The following TANGO6 variants were observed in gnomAD, a reference collection of about 807,000 sequenced individuals.
TANGO6 encodes the protein transport and Golgi organization protein 6 homolog.
A neutral mutation model predicts 114.2 loss-of-function variants in TANGO6; 90 were observed. The ratio of observed to expected loss-of-function variants is 0.79; its 90% confidence interval spans 0.66 to 0.94. The LOEUF is 0.94. Ranked by LOEUF, TANGO6 falls within the 40% of genes least tolerant of loss-of-function variation. TANGO6 has a pLI of 0.00. For synonymous variants in TANGO6, 477 were observed against 509.8 expected (o/e 0.94, Z 0.87); for missense variants, 1,274 against 1,315.3 (o/e 0.97, Z 0.49).
intron 7 of TANGO6, among the ~76,000 whole-genome samples, chr16:68,881,050 A>G (rs1324318588): frequency 6.6e-6 from 1 of 152,182 alleles, no homozygotes; most frequent in East Asian, 1.9e-4. Flanking sequence ...CTGCCTCCCT[A>G]AGAGCTGGGA....
chr16:69,065,873 G>A (rs953955672), intron 17 of TANGO6, among the ~76,000 whole-genome samples: 1 of 152,172 alleles, frequency 6.6e-6, no homozygotes, highest in Admixed American at 6.5e-5. Context: ...TATCAGGAAA[G>A]CATTATTCTT....
At chr16:68,976,351 C>T (rs118067949) in intron 15 of TANGO6, among the ~76,000 whole-genome samples, 7,583 of 152,088 alleles carry the variant, frequency 0.05, 226 homozygotes, top group Non-Finnish European at 0.07. Context: ...TTTTTGCCTA[C>T]GCAAAAAAGA....
At chr16:69,040,285 T>C in intron 16 of TANGO6, 23 bp from the exon 17 acceptor site, 1 of 1,571,340 alleles carries the variant, frequency 6.4e-7, no homozygotes, top group South Asian at 1.2e-5. Flanking sequence ...TCTTATCAAC[T>C]TCATCTTCCT....
Position 68,907,489 on chromosome 16 carries a change from C to CA in TANGO6, c.1715dup (p.Arg574ProfsTer37). The stretch of plus-strand genomic sequence containing the variant: ...CCTGTACCAGAAGGTATCCTCTGAG[C>CA]AGGGCCGGGTGGAGCATCTCGGGGA... On this transcript the variant is annotated frameshift_variant, in exon 10 of 18. Transcript: ENST00000261778. LOFTEE classifies it high-confidence loss of function. The CA allele has an allele frequency of 9.3e-6, 15 of 1,613,488 alleles. No individual in the cohort carries two copies. The highest frequency in any genetic ancestry group is 1.1e-5 in the Non-Finnish European group (13 of 1,179,766).
At chr16:68,934,249 T>C (rs985165147) in intron 14 of TANGO6, among the ~76,000 whole-genome samples, 1 of 152,104 alleles carries the variant, frequency 6.6e-6, no homozygotes, top group Non-Finnish European at 1.5e-5. Context: ...GGGGTCTCAC[T>C]ATGTTGCCCA....
At chr16:69,038,814 G>T (rs546399946) in intron 16 of TANGO6, among the ~76,000 whole-genome samples, 1 of 151,902 alleles carries the variant, frequency 6.6e-6, no homozygotes, top group African/African-American at 2.4e-5. Context: ...AGGTGGACGC[G>T]GGCAGATCAC....
chr16:68,947,870 G>A lies in TANGO6; in HGVS notation c.2701+17575G>A, dbSNP rs918462484. On this transcript the variant is annotated intron_variant, in intron 14 of 17. Coordinates refer to ENST00000261778, the MANE Select transcript of TANGO6 (RefSeq NM_024562.2). The stretch of plus-strand genomic sequence containing the variant: ...GCCTCCCAAAGTGCTGGGATTACAG[G>A]TGTGAGCCATCACGCCCAGACTACA... Among the ~76,000 whole-genome samples the A allele has an allele frequency of 9.2e-5, 14 of 152,210 alleles. No homozygotes were observed. The East Asian group carries it at 1.9e-3, about 21-fold the overall frequency.
In TANGO6 at chr16:68,927,900, CA is replaced by C. The variant is rs770437845; in HGVS notation, c.2462del (p.Asn821MetfsTer14). 7 of 1,613,804 alleles carry C rather than the reference CA, an allele frequency of 4.3e-6. No homozygotes were observed. Among genetic ancestry groups the C allele is most frequent in the Non-Finnish European group, 5.1e-6 (6 of 1,179,864 alleles). ...ATGCTCCAATCATTCCTCAAGGAGT[CA>C]ATGAGCCCAGCACTACTACAAGTCA... ...SNAPIIPQGV[N>X]EPSTTTSQKS... On this transcript the variant is annotated frameshift_variant, in exon 13 of 18. Coordinates refer to ENST00000261778, the MANE Select transcript of TANGO6 (RefSeq NM_024562.2). LOFTEE classifies it high-confidence loss of function.
chr16:69,071,745 TTTC>T (rs1197487636), intron 17 of TANGO6, among the ~76,000 whole-genome samples: 2 of 152,250 alleles, frequency 1.3e-5, no homozygotes, highest in Non-Finnish European at 1.5e-5. Flanking sequence ...TTGCCATTTA[TTTC>T]TTCTTTTGAT....
chr16:69,065,510 T>C (rs56859259), intron 17 of TANGO6, among the ~76,000 whole-genome samples: 13,394 of 152,234 alleles, frequency 0.088, 661 homozygotes, highest in South Asian at 0.18. Flanking sequence ...CCGCCTCATC[T>C]CCTTTCCACC....
intron 17 of TANGO6, among the ~76,000 whole-genome samples, chr16:69,047,761 A>C (rs574616389): frequency 1.3e-5 from 2 of 152,308 alleles, no homozygotes; most frequent in South Asian, 4.1e-4. Flanking sequence ...GAAGGACTAT[A>C]AAATATTTGA....
chr16:68,860,092 G>T lies in TANGO6; in HGVS notation c.303G>T (p.Leu101Phe). 6.2e-7 allele frequency: 1 copy of T among 1,613,956 alleles called. No homozygotes were observed. Among genetic ancestry groups the T allele is most frequent in the Middle Eastern group, 1.6e-4 (1 of 6,062 alleles). Residue 101 changes from leucine (L) to phenylalanine (F), a missense_variant, in exon 2 of 18, where the codon TTG (leucine) becomes TTT (phenylalanine). Leu to Phe is a conservative substitution (Grantham distance 22, BLOSUM62 0). Around this residue, in one of 5 missense-constraint regions of TANGO6, gnomAD observed 4 missense variants for 17.8 expected, o/e 0.23. Coordinates refer to ENST00000261778, the MANE Select transcript of TANGO6 (RefSeq NM_024562.2). ...GTTTTACCTCTCAAACCTTGTTGTTGCTTTTGTGCTTGAAGGAAACCATGA... is the reference window on the plus strand; with the variant it reads ...GTTTTACCTCTCAAACCTTGTTGTTTCTTTTGTGCTTGAAGGAAACCATGA... ...TWSFTSQTLL[L>F]LLCLKETMIR...
chr16:69,067,962 T>G (rs373795763), intron 17 of TANGO6, among the ~76,000 whole-genome samples: 63 of 94,100 alleles, frequency 6.7e-4, no homozygotes, highest in Middle Eastern at 7.2e-3. Flanking sequence ...AAAAAGAAAA[T>G]AAACCCCATC....
intron 4 of TANGO6, chr16:68,867,481 T>C (rs1962196300): frequency 2.7e-6 from 1 of 364,354 alleles, no homozygotes; most frequent in South Asian, 4.2e-5. Flanking sequence ...TCAAATAATT[T>C]ATACTATCTG....
intron 17 of TANGO6, among the ~76,000 whole-genome samples, chr16:69,051,946 CTTTTTT>C (rs35401100): frequency 7.2e-4 from 98 of 135,326 alleles, no homozygotes; most frequent in Admixed American, 1.9e-3. Flanking sequence ...CTTTCTTTTT[CTTTTTT>C]TTTTTTTTTT....
At chr16:68,893,343 T>C (rs778854745) in intron 7 of TANGO6, among the ~76,000 whole-genome samples, 105 of 152,252 alleles carry the variant, frequency 6.9e-4, no homozygotes, top group Non-Finnish European at 9.8e-4. Flanking sequence ...AGCGGAAATA[T>C]TCATAAATAA....
chr16:69,029,384 C>T (rs1448984909), intron 16 of TANGO6, among the ~76,000 whole-genome samples: 8 of 152,128 alleles, frequency 5.3e-5, no homozygotes, highest in African/African-American at 1.4e-4. Context: ...TGTTACAAGA[C>T]GTATATGTTT....
At chr16:68,922,256 G>A (rs1293445311) in intron 12 of TANGO6, among the ~76,000 whole-genome samples, 1 of 150,212 alleles carries the variant, frequency 6.7e-6, no homozygotes, top group Admixed American at 6.6e-5. Context: ...AAAAAAAAAA[G>A]GCCGGGCGCG....
intron 14 of TANGO6, among the ~76,000 whole-genome samples, chr16:68,950,787 A>G (rs557138654): frequency 1.3e-5 from 2 of 152,212 alleles, no homozygotes; most frequent in East Asian, 3.9e-4. Context: ...TGAGCCTGGG[A>G]GGCGGAGGTT....
Sources: allele counts gnomAD v4.1 joint callset (sites outside exome capture counted in the v4.1 genomes callset), GRCh38; gene constraint gnomAD v4.1.1; regional missense constraint gnomAD v4.1.1; transcripts MANE v1.5; gene names NCBI Gene and HGNC (gene_info 2026-07-23, HGNC 2026-07-21).